Variants in CALN1 observed in about 807,000 individuals in gnomAD.
The protein encoded by CALN1 is calneuron 1.
In CALN1, 17 loss-of-function variants were observed where a neutral mutation model predicts 30.6. The ratio of observed to expected loss-of-function variants is 0.56; its 90% CI spans 0.38 to 0.83. The LOEUF is 0.83. Among genes scored for constraint, CALN1 ranks in the 40% least tolerant of loss-of-function variants. CALN1 has a pLI of 0.00. For missense variants in CALN1, 291 were observed against 354.9 expected, an observed-to-expected ratio of 0.82 and a Z score of 1.45; for synonymous variants, 156 against 131.4, an observed-to-expected ratio of 1.19 and a Z score of -1.28.
At chr7:71,838,154 A>G (rs1458309884) in intron 5 of CALN1, among the ~76,000 whole-genome samples, 1 of 152,186 alleles carries the variant, frequency 6.6e-6, no homozygotes, top group Non-Finnish European at 1.5e-5. Flanking sequence ...GTGCTCTTCA[A>G]AAAAAGGAAA....
intron 3 of CALN1, among the ~76,000 whole-genome samples, chr7:72,211,216 G>C (rs1320216186): frequency 6.6e-6 from 1 of 152,098 alleles, no homozygotes; most frequent in African/African-American, 2.4e-5. Context: ...CCAGACCTCA[G>C]TCTCTGCACC....
intron 1 of CALN1, among the ~76,000 whole-genome samples, chr7:72,411,442 TTAAG>T (rs1363840455): frequency 5.3e-5 from 8 of 152,158 alleles, no homozygotes; most frequent in Non-Finnish European, 1.2e-4. Flanking sequence ...AATTTTAAGG[TTAAG>T]TAAAAACTCT....
At chr7:72,406,620 T>TTTTTTTC (rs1461993024) in intron 1 of CALN1, among the ~76,000 whole-genome samples, 2 of 55,298 alleles carry the variant, frequency 3.6e-5, no homozygotes, top group South Asian at 5.9e-4. Flanking sequence ...GTCAGCTTTT[T>TTTTTTTC]TTTTTTTCTT....
intron 3 of CALN1, among the ~76,000 whole-genome samples, chr7:72,227,185 T>C (rs901879845): frequency 1.3e-5 from 2 of 150,992 alleles, no homozygotes; most frequent in South Asian, 2.1e-4. Context: ...TCATGCAATA[T>C]ACCTTTGTAA....
chr7:71,951,367 C>G (rs916779687), intron 5 of CALN1, among the ~76,000 whole-genome samples: 1 of 152,110 alleles, frequency 6.6e-6, no homozygotes, highest in African/African-American at 2.4e-5. Flanking sequence ...GAGGCAGCTG[C>G]ATCACCTAAG....
At chr7:72,131,198 C>T (rs1018200524) in intron 3 of CALN1, among the ~76,000 whole-genome samples, 2 of 152,106 alleles carry the variant, frequency 1.3e-5, no homozygotes, top group Non-Finnish European at 2.9e-5. Context: ...ATATCCATAA[C>T]TGAAGAAATC....
At position 72,313,540 on chromosome 7, in the gene CALN1, G is replaced by A. The variant is rs114565094; in HGVS notation, c.120-34730C>T. Among the ~76,000 whole-genome samples the A allele has an allele frequency of 9.8e-3, 1,493 of 152,122 alleles. 26 individuals are homozygous for A. The highest frequency in any genetic ancestry group is 0.034 in the African/African-American group (1,395 of 41,508). On this transcript the variant is annotated intron_variant, in intron 2 of 6. Coordinates refer to ENST00000395275, the MANE Select transcript of CALN1 (RefSeq NM_031468.4). Reference sequence around the variant, plus strand: ...CCAGAGTAGCTGGGACTATCGGTGCGTACCACCATGCCTGGCTCATTGTTT... The same window carrying A: ...CCAGAGTAGCTGGGACTATCGGTGCATACCACCATGCCTGGCTCATTGTTT...
the CALN1 span, among the ~76,000 whole-genome samples, chr7:72,497,672 G>A: frequency 6.6e-6 from 1 of 152,082 alleles, no homozygotes; most frequent in African/African-American, 2.4e-5. Context: ...GGGTCTACTA[G>A]ATCTGCTAGA....
intron 5 of CALN1, among the ~76,000 whole-genome samples, chr7:71,888,481 A>C (rs1189630875): frequency 6.8e-6 from 1 of 147,136 alleles, no homozygotes; most frequent in Non-Finnish European, 1.5e-5. Flanking sequence ...AAAAAAAGCA[A>C]AAAAACAAAA....
At chr7:72,341,615 T>A (rs369361772) in intron 2 of CALN1, among the ~76,000 whole-genome samples, 3 of 152,230 alleles carry the variant, frequency 2.0e-5, no homozygotes, top group Non-Finnish European at 4.4e-5. Context: ...GCCTCCCACA[T>A]AACCAGAGTG....
chr7:71,861,799 A>AAAAAAG (rs1554358716), intron 5 of CALN1, among the ~76,000 whole-genome samples: 1 of 148,058 alleles, frequency 6.8e-6, no homozygotes, highest in African/African-American at 2.5e-5. Flanking sequence ...AAAAAAAAAA[A>AAAAAAG]AGAGAGAGAG....
intron 5 of CALN1, among the ~76,000 whole-genome samples, chr7:71,848,543 A>T (rs1294200572): frequency 6.6e-6 from 1 of 152,222 alleles, no homozygotes; most frequent in African/African-American, 2.4e-5. Context: ...CTTTGTAAAC[A>T]TACAGAATAA....
chr7:71,926,594 A>C (rs776235536), intron 5 of CALN1, among the ~76,000 whole-genome samples: 3 of 152,056 alleles, frequency 2.0e-5, no homozygotes, highest in Non-Finnish European at 4.4e-5. Context: ...GTCTGTCCCT[A>C]TCTCTTTCTA....
At chr7:72,057,526 A>C (rs1227444709) in intron 4 of CALN1, among the ~76,000 whole-genome samples, 2 of 151,942 alleles carry the variant, frequency 1.3e-5, no homozygotes, top group African/African-American at 4.8e-5. Flanking sequence ...GAAAAGAATA[A>C]GGAATATAAA....
chr7:72,048,770 C>T (rs146975607), intron 4 of CALN1, among the ~76,000 whole-genome samples: 88 of 150,408 alleles, frequency 5.9e-4, no homozygotes, highest in African/African-American at 2.0e-3. Context: ...TCCTCCCTGC[C>T]TTTTTCCCTC....
chr7:72,180,892 A>C (rs1225506369), intron 3 of CALN1, among the ~76,000 whole-genome samples: 1 of 151,842 alleles, frequency 6.6e-6, no homozygotes, highest in Non-Finnish European at 1.5e-5. Context: ...GAGATCAGGC[A>C]CTCAAGACCA....
At chr7:72,019,016 G>T (rs890359091) in intron 5 of CALN1, among the ~76,000 whole-genome samples, 17 of 138,952 alleles carry the variant, frequency 1.2e-4, no homozygotes, top group Admixed American at 6.4e-4. Context: ...TTTTTTTTTT[G>T]TATTTTTTTT....
chr7:71,943,591 T>TTATC (rs1472590978), intron 5 of CALN1, among the ~76,000 whole-genome samples: 1 of 134,700 alleles, frequency 7.4e-6, no homozygotes, highest in Non-Finnish European at 1.6e-5. Flanking sequence ...CAGGCATGTG[T>TTATC]TATCACATGG....
intron 5 of CALN1, among the ~76,000 whole-genome samples, chr7:71,887,591 A>T (rs2116860620): frequency 6.6e-6 from 1 of 152,210 alleles, no homozygotes; most frequent in Non-Finnish European, 1.5e-5. Context: ...GAGCCACTGC[A>T]CCTAGCCCAT....
Sources: allele counts gnomAD v4.1 joint callset (sites outside exome capture counted in the v4.1 genomes callset), GRCh38; gene constraint gnomAD v4.1.1; transcripts MANE v1.5; gene names NCBI Gene and HGNC (gene_info 2026-07-23, HGNC 2026-07-21).